The following ANTXR1 variants were observed in gnomAD, a reference collection of about 807,000 sequenced individuals.
ANTXR1 encodes anthrax toxin receptor 1.
Under a neutral mutation model 78.1 loss-of-function variants are expected in ANTXR1, and 19 were observed. That is an observed-to-expected ratio of 0.24 (90% CI 0.17 to 0.36). ANTXR1 has a LOEUF of 0.36. Among genes scored for constraint, ANTXR1 ranks in the 10% least tolerant of loss-of-function variants. The pLI is 1.00. For missense variants in ANTXR1, 518 were observed against 718.6 expected (o/e 0.72, Z 3.19); for synonymous variants, 273 against 260.5 (o/e 1.05, Z -0.46).
intron 3 of ANTXR1, among the ~76,000 whole-genome samples, chr2:69,069,006 G>A (rs72895501): frequency 0.016 from 2,436 of 152,232 alleles, 65 homozygotes; most frequent in African/African-American, 0.054. Context: ...TCTGATACAC[G>A]GGTATTGAAA....
chr2:69,162,424 A>G (rs1191360381), intron 13 of ANTXR1, among the ~76,000 whole-genome samples: 1 of 152,212 alleles, frequency 6.6e-6, no homozygotes, highest in Non-Finnish European at 1.5e-5. Flanking sequence ...CTAGAGTTCA[A>G]ACTTACACTA....
intron 17 of ANTXR1, among the ~76,000 whole-genome samples, chr2:69,204,868 A>G (rs1674858924): frequency 1.3e-5 from 2 of 152,162 alleles, no homozygotes; most frequent in African/African-American, 2.4e-5. Context: ...CCTGCACAGG[A>G]TGCTGTGCTC....
chr2:69,205,424 C>G (rs913065842), intron 17 of ANTXR1, among the ~76,000 whole-genome samples: 3 of 152,164 alleles, frequency 2.0e-5, no homozygotes, highest in African/African-American at 7.2e-5. Context: ...TTCAGGCACT[C>G]AGTACTCAGC....
chr2:69,076,334 C>G (rs536387616), intron 7 of ANTXR1, among the ~76,000 whole-genome samples: 2 of 152,090 alleles, frequency 1.3e-5, no homozygotes, highest in Admixed American at 6.5e-5. Context: ...TCCTTTTCAC[C>G]CATGAAAAAC....
intron 12 of ANTXR1, among the ~76,000 whole-genome samples, chr2:69,139,340 C>G (rs1186427999): frequency 6.6e-6 from 1 of 152,206 alleles, no homozygotes; most frequent in African/African-American, 2.4e-5. Flanking sequence ...ATTGCAGCAC[C>G]TTTGAGAGTT....
At chr2:69,037,472 G>GT (rs1669476778) in intron 1 of ANTXR1, among the ~76,000 whole-genome samples, 1 of 151,950 alleles carries the variant, frequency 6.6e-6, no homozygotes, top group African/African-American at 2.4e-5. Flanking sequence ...GAGTTTGCTT[G>GT]TTTTTTTGTT....
At chr2:69,176,880 T>C (rs1430389681) in intron 14 of ANTXR1, among the ~76,000 whole-genome samples, 1 of 152,204 alleles carries the variant, frequency 6.6e-6, no homozygotes, top group African/African-American at 2.4e-5. Flanking sequence ...TAAGCCTTCT[T>C]GAGTCAAACC....
rs74585725 is a variant in ANTXR1 at position 69,069,367 on chromosome 2, C to G, written c.297-1280C>G. 5.4e-3 allele frequency among the ~76,000 whole-genome samples: 827 copies of G among 152,232 alleles called. 7 individuals carry two copies. Among genetic ancestry groups the G allele is most frequent in the African/African-American group, 0.018 (766 of 41,532 alleles). On this transcript the variant is annotated intron_variant, in intron 3 of 17. Transcript: ENST00000303714. ...CCTCTCTGTGACTCAGTTTTCTTAT[C>G]TGTGAAATGGCGGTAACAATAGTAC... is the stretch of plus-strand genomic sequence containing the variant.
At chr2:69,030,709 C>T (rs1192257671) in intron 1 of ANTXR1, among the ~76,000 whole-genome samples, 2 of 152,108 alleles carry the variant, frequency 1.3e-5, no homozygotes, top group East Asian at 1.9e-4. Context: ...CTTTCAAATG[C>T]CCATGAAATA....
chr2:69,185,081 C>G (rs1488482849), intron 16 of ANTXR1, among the ~76,000 whole-genome samples: 2 of 152,148 alleles, frequency 1.3e-5, no homozygotes, highest in East Asian at 3.8e-4. Context: ...TCTTTTTAGT[C>G]TCTGTAGTAA....
At chr2:69,145,500 G>A in intron 12 of ANTXR1, 1 of 1,478,132 alleles carries the variant, frequency 6.8e-7, no homozygotes, top group Non-Finnish European at 9.0e-7. Flanking sequence ...CAGGCCTGGA[G>A]TTACGCACAC....
intron 8 of ANTXR1, among the ~76,000 whole-genome samples, chr2:69,083,431 T>C (rs1026888734): frequency 2.2e-4 from 33 of 152,262 alleles, no homozygotes; most frequent in African/African-American, 7.9e-4. Context: ...AGTCTTCCCA[T>C]CTCTACAAAG....
At chr2:69,030,295 A>G (rs1671492355) in intron 1 of ANTXR1, among the ~76,000 whole-genome samples, 1 of 152,202 alleles carries the variant, frequency 6.6e-6, no homozygotes, top group East Asian at 1.9e-4. Context: ...AAATTTCAGT[A>G]CTAGTGTTAA....
At chr2:69,024,845 A>G (rs910071179) in intron 1 of ANTXR1, among the ~76,000 whole-genome samples, 1 of 152,086 alleles carries the variant, frequency 6.6e-6, no homozygotes, top group African/African-American at 2.4e-5. Flanking sequence ...CCCACCTTGT[A>G]TTCTTGACAA....
intron 12 of ANTXR1, among the ~76,000 whole-genome samples, chr2:69,125,080 GA>G (rs1337884340): frequency 6.6e-6 from 1 of 152,166 alleles, no homozygotes; most frequent in African/African-American, 2.4e-5. Flanking sequence ...GGAAAATGTG[GA>G]GTTTGGGGAG....
Position 69,013,613 on chromosome 2 carries a change from C to T in ANTXR1, c.114C>T (p.Ala38=). The change falls in exon 1 of 18, where the codon GCC becomes GCT. Residue 38 remains alanine, a synonymous_variant. Transcript: ENST00000303714. The surrounding 1 kb of genome is among the most constrained non-coding windows in gnomAD (Gnocchi z 5.0). ...QGGRREDGGP[A]CYGGFDLYFI... is the part of the protein sequence containing the mutation. ...GACGCAGGGAGGATGGGGGTCCAGC[C>T]TGCTACGGCGGATTTGACCTGTACT... The T allele has an allele frequency of 6.4e-7, 1 of 1,557,786 alleles. No individual in the cohort carries two copies. The highest frequency in any genetic ancestry group is 8.7e-7 in the Non-Finnish European group (1 of 1,149,742).
intron 13 of ANTXR1, among the ~76,000 whole-genome samples, chr2:69,158,555 T>G (rs1673591610): frequency 6.6e-6 from 1 of 152,224 alleles, no homozygotes; most frequent in Admixed American, 6.5e-5. Context: ...GTGGTTCAAC[T>G]TAGAATTTTT....
chr2:69,064,247 A>G (rs959107322), intron 3 of ANTXR1, among the ~76,000 whole-genome samples: 1 of 152,204 alleles, frequency 6.6e-6, no homozygotes, highest in Non-Finnish European at 1.5e-5. Context: ...ACCTGGACTT[A>G]TTTATGCAGC....
chr2:69,052,691 A>C (rs1416177168), intron 3 of ANTXR1, among the ~76,000 whole-genome samples: 1 of 152,122 alleles, frequency 6.6e-6, no homozygotes, highest in African/African-American at 2.4e-5. Context: ...TTTCTCTTTT[A>C]TGCCTTTTGT....
Sources: gnomAD v4.1 joint callset for allele counts (sites outside exome capture counted in the v4.1 genomes callset) on GRCh38, gnomAD v4.1.1 for gene constraint, Gnocchi (gnomAD v3.1) non-coding constraint, MANE v1.5 for transcripts, NCBI Gene and HGNC (gene_info 2026-07-23, HGNC 2026-07-21) for gene names.